The following MARK1 variants were observed in gnomAD, a reference collection of about 807,000 sequenced individuals.
MARK1 encodes the protein serine/threonine-protein kinase MARK1.
A neutral mutation model predicts 96.3 loss-of-function variants in MARK1; 40 were observed. The ratio of observed to expected loss-of-function variants is 0.42; its 90% confidence interval spans 0.32 to 0.54. MARK1 has a LOEUF of 0.54. Ranked by LOEUF, MARK1 falls within the 20% of genes least tolerant of loss-of-function variation. The pLI is 0.16. For synonymous variants in MARK1, 317 were observed against 341.2 expected (o/e 0.93, Z 0.78); for missense variants, 719 against 984.6 (o/e 0.73, Z 3.61).
At chr1:220,600,283 A>G (rs1665653313) in intron 5 of MARK1, among the ~76,000 whole-genome samples, 1 of 152,198 alleles carries the variant, frequency 6.6e-6, no homozygotes. Flanking sequence ...CACATATGAC[A>G]GATTCTCAAT....
In MARK1 at chr1:220,639,065, G is replaced by A. The variant is rs1013256043; in HGVS notation, c.1470+3039G>A. Among the ~76,000 whole-genome samples, 10 of 152,178 alleles carry A rather than the reference G, an allele frequency of 6.6e-5. No homozygotes were observed. The South Asian group carries it at 1.9e-3, about 28-fold the overall frequency. ...TTGAGACCAGCCTGGGCAACCTAGT[G>A]CAACTTGATTTCTACAAAATATTTT... On this transcript the variant is annotated intron_variant, in intron 13 of 17. Coordinates refer to ENST00000366917, the MANE Select transcript of MARK1 (RefSeq NM_018650.5).
chr1:220,646,588 C>T (rs1227807432), intron 13 of MARK1, among the ~76,000 whole-genome samples: 7 of 152,080 alleles, frequency 4.6e-5, no homozygotes, highest in Non-Finnish European at 8.8e-5. Flanking sequence ...AAAAAGGGCT[C>T]GTATAGCCAA....
chr1:220,528,763 C>G lies in MARK1; in HGVS notation c.-60C>G, dbSNP rs990922658. 2.3e-5 allele frequency: 35 copies of G among 1,504,158 alleles called. No homozygotes were observed. The African/African-American group carries it at 4.7e-4, about 20-fold the overall frequency. The allele number at this position is 1,504,158 out of a possible 1,614,324, so 93.2% of individuals were successfully genotyped here. ...TCCGCACCCCTTTCCTGTCGCCCCC[C>G]GGGGCCCGCACCACAGCCCGGCCGG... On this transcript the variant is annotated 5_prime_UTR_variant, in exon 1 of 18. Transcript: ENST00000366917.
rs1666867229 is a variant in MARK1, at chr1:220,618,281, C to T, written c.553-29C>T. ...ATTTTTATTTTATGTAGGCTTTTTA[C>T]ATTGTTCTTTCTATTATTTTCCTCT... On this transcript the variant is annotated intron_variant, in intron 7 of 17. Transcript: ENST00000366917. The surrounding 1 kb of genome is among the most constrained non-coding windows in gnomAD (Gnocchi z 4.6). 1.5e-6 allele frequency: 2 copies of T among 1,351,244 alleles called. No individual in the cohort carries two copies. The highest frequency in any genetic ancestry group is 1.4e-5 in the African/African-American group (1 of 69,246). 83.7% of individuals were successfully genotyped at this position (1,351,244 alleles called of 1,614,324 possible).
chr1:220,599,939 CATTT>C, intron 5 of MARK1, 76 bp downstream of exon 5: 1 of 861,936 alleles, frequency 1.2e-6, no homozygotes, highest in East Asian at 2.7e-5. Flanking sequence ...TTCATTATGA[CATTT>C]ATGTCTTCAG....
intron 6 of MARK1, among the ~76,000 whole-genome samples, chr1:220,615,404 T>A (rs1666680460): frequency 6.6e-6 from 1 of 152,180 alleles, no homozygotes; most frequent in South Asian, 2.1e-4. Flanking sequence ...GCTCAAACAT[T>A]TTCCTTTCTC....
At position 220,604,047 on chromosome 1, in the gene MARK1, G is replaced by A. The variant is rs200705473; in HGVS notation, c.425-20G>A. ...AAAATCTATGTATATTTTACTACCT[G>A]CTTTACCTTTCTGATTCAGGTGAAG... On this transcript the variant is annotated intron_variant, in intron 5 of 17. Transcript: ENST00000366917. 5.8e-6 allele frequency: 9 copies of A among 1,557,240 alleles called. No homozygotes were observed. Among genetic ancestry groups the A allele is most frequent in the Non-Finnish European group, 7.9e-6 (9 of 1,137,562 alleles).
chr1:220,597,370 C>T (rs6699763), intron 3 of MARK1, among the ~76,000 whole-genome samples: 5,876 of 152,088 alleles, frequency 0.039, 362 homozygotes, highest in African/African-American at 0.13. Context: ...TCCACATCCC[C>T]GCCAACATTT....
At chr1:220,585,984 T>TAC (rs1553322886) in intron 3 of MARK1, among the ~76,000 whole-genome samples, 5,825 of 52,864 alleles carry the variant, frequency 0.11, 410 homozygotes, top group African/African-American at 0.24. Flanking sequence ...TACATACGTA[T>TAC]ACACACACAC....
intron 13 of MARK1, among the ~76,000 whole-genome samples, chr1:220,643,748 A>G (rs1278443221): frequency 6.6e-6 from 1 of 152,220 alleles, no homozygotes; most frequent in Non-Finnish European, 1.5e-5. Flanking sequence ...CTGCAAGCCA[A>G]AAGAGATTGG....
chr1:220,537,920 T>C (rs1437689841), intron 1 of MARK1, among the ~76,000 whole-genome samples: 1 of 152,006 alleles, frequency 6.6e-6, no homozygotes, highest in East Asian at 1.9e-4. Flanking sequence ...CTTTGCCCAC[T>C]TTTTGATGGG....
chr1:220,544,118 T>C (rs1661324758), intron 1 of MARK1, among the ~76,000 whole-genome samples: 2 of 152,124 alleles, frequency 1.3e-5, no homozygotes, highest in Admixed American at 1.3e-4. Context: ...AGGTGTGAGA[T>C]AGAAGAAAGG....
intron 13 of MARK1, among the ~76,000 whole-genome samples, chr1:220,649,232 T>A (rs1341010054): frequency 6.6e-6 from 1 of 152,062 alleles, no homozygotes; most frequent in Non-Finnish European, 1.5e-5. Context: ...CAAGTCTTTT[T>A]TTTTTTTGGG....
intron 1 of MARK1, among the ~76,000 whole-genome samples, chr1:220,535,157 G>GCATTTTA (rs1660599193): frequency 1.3e-5 from 2 of 152,024 alleles, no homozygotes; most frequent in Non-Finnish European, 2.9e-5. Flanking sequence ...AGCAGCTGCA[G>GCATTTTA]CATTTTACAT....
intron 17 of MARK1, 102 bp from the exon 18 acceptor site, chr1:220,661,710 A>T: frequency 1.2e-6 from 1 of 808,438 alleles, no homozygotes; most frequent in Non-Finnish European, 1.9e-6. Flanking sequence ...AGGTAGTGTT[A>T]TTAGGCACTG....
intron 1 of MARK1, among the ~76,000 whole-genome samples, chr1:220,539,193 T>C (rs1660950632): frequency 6.6e-6 from 1 of 151,486 alleles, no homozygotes; most frequent in East Asian, 1.9e-4. Context: ...CAGTATGATA[T>C]TGGCTGTGGG....
In MARK1 at chr1:220,631,057, TG is replaced by T; in HGVS notation, c.933del (p.Met311IlefsTer10). The T allele has an allele frequency of 6.2e-7, 1 of 1,612,218 alleles. No homozygotes were observed. The highest frequency in any genetic ancestry group is 8.5e-7 in the Non-Finnish European group (1 of 1,178,582). ...TAGCAAATAATGAAAGATCGATGGA[TG>T]AATGTTGGTCATGAAGAGGAAGAAC... is the stretch of plus-strand genomic sequence containing the variant. ...SLEQIMKDRWMNVGHEEEELK... is the reference protein window; with the variant it reads ...SLEQIMKDRWXNVGHEEEELK... On this transcript the variant is annotated frameshift_variant, in exon 10 of 18. Transcript: ENST00000366917. LOFTEE classifies it high-confidence loss of function.
intron 5 of MARK1, among the ~76,000 whole-genome samples, chr1:220,603,450 A>G (rs1228937324): frequency 1.3e-5 from 2 of 152,094 alleles, no homozygotes; most frequent in African/African-American, 4.8e-5. Flanking sequence ...GATGATTTTC[A>G]AGTAATTTAC....
chr1:220,596,612 T>TTA (rs1665375842), intron 3 of MARK1, among the ~76,000 whole-genome samples: 2 of 152,158 alleles, frequency 1.3e-5, no homozygotes, highest in Non-Finnish European at 2.9e-5. Context: ...AGCTTTTTTG[T>TTA]AGGAGGTAAG....
Sources: allele counts gnomAD v4.1 joint callset (sites outside exome capture counted in the v4.1 genomes callset), GRCh38; gene constraint gnomAD v4.1.1; non-coding constraint Gnocchi (gnomAD v3.1); transcripts MANE v1.5; gene names NCBI Gene and HGNC (gene_info 2026-07-23, HGNC 2026-07-21).